Variants in SGCG observed in about 807,000 individuals in gnomAD.
SGCG encodes gamma-sarcoglycan.
In SGCG, 26 loss-of-function variants were observed where a neutral mutation model predicts 29.3. The observed-to-expected ratio is 0.89, with a 90% CI of 0.65 to 1.23. The LOEUF (loss-of-function observed/expected upper bound fraction) is 1.23. SGCG is among the 50% of genes most tolerant of loss of function. The pLI is 0.00. For synonymous variants in SGCG, 145 were observed against 129.7 expected, an observed-to-expected ratio of 1.12 and a Z score of -0.80; for missense variants, 353 against 356.0, an observed-to-expected ratio of 0.99 and a Z score of 0.07.
intron 6 of SGCG, among the ~76,000 whole-genome samples, chr13:23,299,612 C>A (rs1418478042): frequency 1.3e-5 from 2 of 150,786 alleles, no homozygotes; most frequent in East Asian, 3.9e-4. Context: ...GCCACCATGC[C>A]TGGCTAATTT....
chr13:23,193,325 A>C (rs1275098974), intron 1 of SGCG, among the ~76,000 whole-genome samples: 1 of 152,202 alleles, frequency 6.6e-6, no homozygotes, highest in Non-Finnish European at 1.5e-5. Context: ...AGTGACTTTA[A>C]ACAGGGCAGC....
chr13:23,308,577 T>C (rs916782503), intron 6 of SGCG, among the ~76,000 whole-genome samples: 2 of 152,100 alleles, frequency 1.3e-5, no homozygotes, highest in African/African-American at 4.8e-5. Flanking sequence ...TGTAATTTTT[T>C]TTTTTGAGAC....
At chr13:23,312,750 A>G (rs1340622540) in intron 6 of SGCG, among the ~76,000 whole-genome samples, 1 of 152,136 alleles carries the variant, frequency 6.6e-6, no homozygotes, top group Non-Finnish European at 1.5e-5. Flanking sequence ...AAATCTATAC[A>G]TATTTTTAAA....
intron 3 of SGCG, among the ~76,000 whole-genome samples, chr13:23,248,640 G>A (rs1270476526): frequency 7.0e-6 from 1 of 142,162 alleles, no homozygotes; most frequent in Non-Finnish European, 1.6e-5. Context: ...CTTCCGGCGA[G>A]CCCAGATGGC....
intron 6 of SGCG, among the ~76,000 whole-genome samples, chr13:23,296,855 G>A (rs1881927844): frequency 6.6e-6 from 1 of 152,012 alleles, no homozygotes. Context: ...GCTACTGAAT[G>A]TCATTTACAC....
intron 6 of SGCG, among the ~76,000 whole-genome samples, chr13:23,310,969 C>T (rs544902280): frequency 6.6e-6 from 1 of 152,254 alleles, no homozygotes; most frequent in South Asian, 2.1e-4. Context: ...TTTAGCTTTA[C>T]CAGCACATTT....
chr13:23,249,054 A>G (rs1202664249), intron 3 of SGCG, among the ~76,000 whole-genome samples: 4 of 152,200 alleles, frequency 2.6e-5, no homozygotes, highest in Non-Finnish European at 5.9e-5. Context: ...AGTGAGGTAA[A>G]GAACAGTTCA....
rs769893030 is a variant in SGCG at position 23,320,613 on chromosome 13, T to TTG, written c.579-21_579-20dup. Reference sequence around the variant, plus strand: ...TTTTTAATACTTTTTTTTTTTTTTTTTGTGCTTCTTTTCCTCATCTCAGAT... The same window carrying TTG: ...TTTTTAATACTTTTTTTTTTTTTTTTTGTGTGCTTCTTTTCCTCATCTCAGAT... On this transcript the variant is annotated intron_variant, in intron 6 of 7. Transcript: ENST00000218867. 6.5e-6 allele frequency: 9 copies of TTG among 1,390,730 alleles called. No individual in the cohort carries two copies. In the African/African-American group the frequency reaches 1.0e-4, roughly 15 times the overall value. The allele number at this position is 1,390,730 out of a possible 1,614,324, so 86.1% of individuals were successfully genotyped here. A position where few individuals can be genotyped will look rare whatever the true frequency, so the allele number is the denominator to read the frequency against.
intron 2 of SGCG, among the ~76,000 whole-genome samples, chr13:23,226,407 A>G (rs184391747): frequency 1.1e-4 from 16 of 151,984 alleles, no homozygotes; most frequent in Admixed American, 1.0e-3. Flanking sequence ...TTATAACTGT[A>G]TAATATCTGT....
At chr13:23,260,245 A>G (rs1337884682) in intron 4 of SGCG, among the ~76,000 whole-genome samples, 1 of 152,168 alleles carries the variant, frequency 6.6e-6, no homozygotes, top group Non-Finnish European at 1.5e-5. Flanking sequence ...GGGTGCATAT[A>G]TATTTAGGAT....
chr13:23,181,227 T>C (rs1025237126), intron 1 of SGCG, among the ~76,000 whole-genome samples, 152 bp downstream of exon 1: 1 of 152,216 alleles, frequency 6.6e-6, no homozygotes, highest in African/African-American at 2.4e-5. Context: ...CACAACATAA[T>C]GACATATCAA....
chr13:23,188,707 G>C (rs1226359665), intron 1 of SGCG, among the ~76,000 whole-genome samples: 1 of 152,122 alleles, frequency 6.6e-6, no homozygotes, highest in East Asian at 1.9e-4. Flanking sequence ...GCTGTTCTGA[G>C]AATGTCCAAA....
upstream of SGCG, among the ~76,000 whole-genome samples, chr13:23,176,162 TC>T (rs1876549013): frequency 6.6e-6 from 1 of 152,180 alleles, no homozygotes; most frequent in Non-Finnish European, 1.5e-5. Flanking sequence ...TCTGGATACT[TC>T]CTATAATGTC....
At chr13:23,224,305 C>T (rs1489502891) in intron 2 of SGCG, among the ~76,000 whole-genome samples, 2 of 152,172 alleles carry the variant, frequency 1.3e-5, no homozygotes, top group East Asian at 1.9e-4. Flanking sequence ...CTACAGGCTC[C>T]TCCCATTCCA....
intron 6 of SGCG, 47 bp from the exon 7 acceptor site, chr13:23,320,590 T>C: frequency 6.7e-7 from 1 of 1,499,814 alleles, no homozygotes; most frequent in Non-Finnish European, 9.0e-7. Context: ...AGTGGCTATT[T>C]TTAATACTTT....
intron 4 of SGCG, among the ~76,000 whole-genome samples, chr13:23,275,741 T>G (rs768281856): frequency 7.9e-5 from 12 of 152,172 alleles, no homozygotes; most frequent in Admixed American, 6.5e-5. Context: ...TAATACAAGA[T>G]TTTGCCACAA....
chr13:23,246,110 T>C, intron 3 of SGCG: 1 of 155,166 alleles, frequency 6.4e-6, no homozygotes, highest in Non-Finnish European at 1.4e-5. Context: ...AACAACATAT[T>C]CCAGAATGAG....
chr13:23,231,459 GA>G, intron 2 of SGCG, among the ~76,000 whole-genome samples: 1 of 152,074 alleles, frequency 6.6e-6, no homozygotes, highest in South Asian at 2.1e-4. Flanking sequence ...AGCTACCACA[GA>G]AGCTAGGATT....
chr13:23,286,426 A>G (rs888778453), intron 5 of SGCG, among the ~76,000 whole-genome samples: 5 of 152,248 alleles, frequency 3.3e-5, no homozygotes, highest in African/African-American at 1.2e-4. Flanking sequence ...CATGATAGTC[A>G]TTTCAAAGAT....
Sources: allele counts gnomAD v4.1 joint callset (sites outside exome capture counted in the v4.1 genomes callset), GRCh38; gene constraint gnomAD v4.1.1; transcripts MANE v1.5; gene names NCBI Gene and HGNC (gene_info 2026-07-23, HGNC 2026-07-21).